Variants in COL28A1 observed in about 807,000 individuals in gnomAD.
The protein encoded by COL28A1 is collagen type XXVIII alpha 1 chain.
COL28A1 carries 161 observed loss-of-function variants against 150.2 expected under a neutral mutation model. The observed-to-expected ratio is 1.07, with a 90% CI of 0.94 to 1.22. COL28A1 has a LOEUF of 1.22. Ranked by LOEUF, COL28A1 falls within the 50% of genes most tolerant of loss-of-function variation. The pLI is 0.00. For synonymous variants in COL28A1, 552 were observed against 469.7 expected, an observed-to-expected ratio of 1.18 and a Z score of -2.26; for missense variants, 1,617 against 1,388.3, an observed-to-expected ratio of 1.16 and a Z score of -2.62.
At chr7:7,529,489 A>C (rs1465205041) in intron 3 of COL28A1, among the ~76,000 whole-genome samples, 2 of 152,150 alleles carry the variant, frequency 1.3e-5, no homozygotes, top group Non-Finnish European at 2.9e-5. Flanking sequence ...ACAGATGCTA[A>C]ACAAACAAGC....
chr7:7,370,955 C>A (rs1781196442), intron 32 of COL28A1, 73 bp from the exon 33 acceptor site: 3 of 967,598 alleles, frequency 3.1e-6, no homozygotes, highest in Admixed American at 5.1e-5. Flanking sequence ...TTAAAAAGAT[C>A]TGCACTCTCC....
In COL28A1 at chr7:7,375,457, T is replaced by TG. The variant is rs748607321; in HGVS notation, c.2359+3_2359+4insC. 15 of 1,575,756 alleles carry TG rather than the reference T, an allele frequency of 9.5e-6. No homozygotes were observed. Among genetic ancestry groups the TG allele is most frequent in the Non-Finnish European group, 1.3e-5 (15 of 1,153,316 alleles). On this transcript the variant is annotated splice_donor_region_variant and intron_variant, in intron 31 of 34. Coordinates refer to ENST00000399429, the MANE Select transcript of COL28A1 (RefSeq NM_001037763.3). ...GTGATGTTTTTTCCTTGATCAAATC[T>TG]TACCACATATTTCTGTAATAAGTTT...
intron 31 of COL28A1, 38 bp downstream of exon 31, chr7:7,375,423 T>G (rs545790392): frequency 1.3e-6 from 2 of 1,548,656 alleles, no homozygotes; most frequent in South Asian, 2.4e-5. Context: ...GTGGGGCTGA[T>G]GCTTTAAAGT....
intron 7 of COL28A1, among the ~76,000 whole-genome samples, chr7:7,517,464 C>T (rs1781477365): frequency 6.6e-6 from 1 of 152,114 alleles, no homozygotes; most frequent in South Asian, 2.1e-4. Flanking sequence ...TCTTATGCTC[C>T]TGAAATTCTA....
chr7:7,398,757 GC>G (rs1782989721), intron 27 of COL28A1, among the ~76,000 whole-genome samples: 1 of 152,166 alleles, frequency 6.6e-6, no homozygotes, highest in Non-Finnish European at 1.5e-5. Flanking sequence ...AGACAGGGTT[GC>G]CTTTATGACA....
chr7:7,440,904 A>G (rs1387624306), intron 20 of COL28A1, 43 bp from the exon 21 acceptor site: 3 of 934,024 alleles, frequency 3.2e-6, no homozygotes, highest in Non-Finnish European at 5.3e-6. Context: ...GTATGGTATT[A>G]GCAACCTCCC....
Position 7,453,451 on chromosome 7 carries a change from G to C in COL28A1, c.1429C>G (p.Pro477Ala). 1 of 1,233,344 alleles carries C rather than the reference G, an allele frequency of 8.1e-7. No individual in the cohort carries two copies. Among genetic ancestry groups the C allele is most frequent in the Non-Finnish European group, 1.2e-6 (1 of 832,662 alleles). 76.4% of individuals were successfully genotyped at this position (1,233,344 alleles called of 1,614,324 possible). The change falls in exon 17 of 35, where the codon CCT (proline) becomes GCT (alanine). Residue 477 changes from proline (P) to alanine (A), a missense_variant. Pro to Ala is a conservative substitution (Grantham distance 27). Transcript: ENST00000399429. ...ATTTACAAAGTTACCTTGGAACCAG[G>C]TAAGCCCTGTCCTGCGGGCCCTTGT... ...GPQGPAGQGL[P>A]GSKGEVGQMG...
At position 7,517,885 on chromosome 7, in the gene COL28A1, CTGAT is replaced by C. The variant is rs753924412; in HGVS notation, c.814-52_814-49del. ...AAAATTCCACAGCCCTGAAGAGTGA[CTGAT>C]TGCTCAATAAAATGCATTATACAGA... On this transcript the variant is annotated intron_variant, in intron 6 of 34. Transcript: ENST00000399429. The C allele has an allele frequency of 4.4e-6, 7 of 1,607,760 alleles. No individual in the cohort carries two copies. In the East Asian group the frequency reaches 1.3e-4, roughly 31 times the overall value.
chr7:7,408,857 T>C (rs972526015), intron 27 of COL28A1, among the ~76,000 whole-genome samples: 1 of 152,172 alleles, frequency 6.6e-6, no homozygotes. Flanking sequence ...AAGATGCAAA[T>C]TAAAATTTTG....
chr7:7,505,921 G>T (rs1780783529), intron 11 of COL28A1, 93 bp downstream of exon 11: 2 of 783,108 alleles, frequency 2.6e-6, no homozygotes, highest in Non-Finnish European at 2.3e-6. Context: ...CTTCCTCAAA[G>T]AATCCATTGA....
chr7:7,519,754 T>G (rs1781610534), intron 6 of COL28A1, among the ~76,000 whole-genome samples: 1 of 152,190 alleles, frequency 6.6e-6, no homozygotes, highest in Non-Finnish European at 1.5e-5. Flanking sequence ...CACATATTAC[T>G]AGTTGCTGAA....
intron 13 of COL28A1, among the ~76,000 whole-genome samples, chr7:7,485,614 T>C (rs1779585132): frequency 6.6e-6 from 1 of 152,232 alleles, no homozygotes; most frequent in African/African-American, 2.4e-5. Flanking sequence ...TTTAAATCTA[T>C]GATCCATTTT....
intron 30 of COL28A1, among the ~76,000 whole-genome samples, chr7:7,376,458 G>C (rs1371986098): frequency 1.3e-5 from 2 of 152,094 alleles, no homozygotes; most frequent in Admixed American, 1.3e-4. Flanking sequence ...CTAAGTAAAA[G>C]CTAACGATTC....
intron 14 of COL28A1, among the ~76,000 whole-genome samples, chr7:7,476,035 T>C (rs191655318): frequency 4.5e-4 from 68 of 152,318 alleles, no homozygotes; most frequent in Non-Finnish European, 8.2e-4. Context: ...TCATAGATAA[T>C]TGAATATCGA....
chr7:7,440,326 C>T (rs1409181152), intron 21 of COL28A1, among the ~76,000 whole-genome samples: 1 of 152,158 alleles, frequency 6.6e-6, no homozygotes, highest in East Asian at 1.9e-4. Flanking sequence ...TGAAATAGAG[C>T]ATATCGTTAT....
At chr7:7,475,542 A>G (rs1788795573) in intron 14 of COL28A1, among the ~76,000 whole-genome samples, 1 of 152,236 alleles carries the variant, frequency 6.6e-6, no homozygotes, top group South Asian at 2.1e-4. Flanking sequence ...TACATACAAG[A>G]GTATCAATAA....
rs147360141 is a variant in COL28A1 at position 7,497,211 on chromosome 7, T to C, written c.1027-6565A>G. Reference sequence around the variant, plus strand: ...CAAGTTTCTCATTTCAGAGGAAGTGTTGTGTTATAAAAGGCTTGTTTTTAG... The same window carrying C: ...CAAGTTTCTCATTTCAGAGGAAGTGCTGTGTTATAAAAGGCTTGTTTTTAG... On this transcript the variant is annotated intron_variant, in intron 11 of 34. Transcript: ENST00000399429. 5.6e-4 allele frequency among the ~76,000 whole-genome samples: 85 copies of C among 152,352 alleles called. 1 individual carries two copies. The highest frequency in any genetic ancestry group is 1.8e-3 in the African/African-American group (76 of 41,584).
In COL28A1 at chr7:7,489,460, A is replaced by G; in HGVS notation, c.1096-3T>C. On this transcript the variant is annotated splice_region_variant and splice_polypyrimidine_tract_variant and intron_variant, in intron 12 of 34. Coordinates refer to ENST00000399429, the MANE Select transcript of COL28A1 (RefSeq NM_001037763.3). ...CTTCCTTCTTGGCCTCTTTCTCCCTAAGAGAAAGAAATAATAGAATGAAAG... is the reference window on the plus strand; with the variant it reads ...CTTCCTTCTTGGCCTCTTTCTCCCTGAGAGAAAGAAATAATAGAATGAAAG... The G allele has an allele frequency of 1.6e-6, 2 of 1,223,902 alleles. No homozygotes were observed. Among genetic ancestry groups the G allele is most frequent in the Non-Finnish European group, 1.2e-6 (1 of 823,210 alleles). The allele number at this position is 1,223,902 out of a possible 1,614,324, so 75.8% of individuals were successfully genotyped here.
intron 33 of COL28A1, among the ~76,000 whole-genome samples, chr7:7,369,155 A>T (rs1296085699): frequency 6.6e-6 from 1 of 152,210 alleles, no homozygotes; most frequent in African/African-American, 2.4e-5. Context: ...TTAGAAAGGG[A>T]TGTTGATTGA....
Sources: allele counts gnomAD v4.1 joint callset (sites outside exome capture counted in the v4.1 genomes callset), GRCh38; gene constraint gnomAD v4.1.1; transcripts MANE v1.5; gene names NCBI Gene and HGNC (gene_info 2026-07-23, HGNC 2026-07-21).